Variants in MYO1D observed in about 807,000 individuals in gnomAD.
The protein encoded by MYO1D is unconventional myosin-Id.
Under a neutral mutation model 122.0 loss-of-function variants are expected in MYO1D, and 83 were observed. That is an observed-to-expected ratio of 0.68 (90% CI 0.57 to 0.82). The LOEUF (loss-of-function observed/expected upper bound fraction) is 0.82. Among genes scored for constraint, MYO1D ranks in the 40% least tolerant of loss-of-function variants. The pLI, the probability that MYO1D is intolerant of heterozygous loss-of-function variation, is 0.00. For missense variants in MYO1D, 1,157 were observed against 1,269.5 expected (o/e 0.91, Z 1.35); for synonymous variants, 464 against 446.9 (o/e 1.04, Z -0.48).
In MYO1D at chr17:32,827,570, C is replaced by T. The variant is rs1047059386; in HGVS notation, c.96-46786G>A. Among the ~76,000 whole-genome samples the T allele has an allele frequency of 1.1e-4, 17 of 152,148 alleles. No individual in the cohort carries two copies. In the South Asian group the frequency reaches 3.3e-3, roughly 30 times the overall value. On this transcript the variant is annotated intron_variant, in intron 1 of 21. Coordinates refer to ENST00000318217, the MANE Select transcript of MYO1D (RefSeq NM_015194.3). ...TGGCTAAAATGGTAATTTTATGTTACATATATTTTACTACAATAAAAAAAT... is the reference window on the plus strand; with the variant it reads ...TGGCTAAAATGGTAATTTTATGTTATATATATTTTACTACAATAAAAAAAT...
intron 21 of MYO1D, among the ~76,000 whole-genome samples, chr17:32,542,119 G>A (rs1910853796): frequency 6.6e-6 from 1 of 152,122 alleles, no homozygotes; most frequent in South Asian, 2.1e-4. Context: ...ACCCTTCTCA[G>A]AGGTATTTGT....
At chr17:32,874,304 C>CTCTCTCTCTCTCTGTGTCTCTT (rs6146033) in intron 1 of MYO1D, among the ~76,000 whole-genome samples, 2 of 149,150 alleles carry the variant, frequency 1.3e-5, no homozygotes, top group African/African-American at 2.5e-5. Context: ...GTCTCTGTCT[C>CTCTCTCTCTCTCTGTGTCTCTT]TCTCTCTCTC....
chr17:32,543,155 G>A (rs1910896188), intron 21 of MYO1D, among the ~76,000 whole-genome samples: 1 of 151,678 alleles, frequency 6.6e-6, no homozygotes, highest in Admixed American at 6.6e-5. Context: ...GAACCTGGGA[G>A]GCGGAGCTTG....
At chr17:32,527,173 T>C (rs1305893393) in intron 21 of MYO1D, among the ~76,000 whole-genome samples, 1 of 152,234 alleles carries the variant, frequency 6.6e-6, no homozygotes, top group Non-Finnish European at 1.5e-5. Context: ...GGATTTGGCC[T>C]GGGATCCAAC....
intron 21 of MYO1D, among the ~76,000 whole-genome samples, chr17:32,503,248 C>A (rs1394353891): frequency 6.6e-6 from 1 of 152,218 alleles, no homozygotes; most frequent in African/African-American, 2.4e-5. Context: ...CCCATCCAGG[C>A]CCCTGGTCAG....
chr17:32,689,731 T>G (rs1446754809), intron 16 of MYO1D, among the ~76,000 whole-genome samples: 1 of 152,192 alleles, frequency 6.6e-6, no homozygotes, highest in African/African-American at 2.4e-5. Context: ...CTGTCTTTTT[T>G]TTTTTGAGAT....
intron 19 of MYO1D, among the ~76,000 whole-genome samples, chr17:32,646,349 A>G (rs1467993195): frequency 6.6e-6 from 1 of 152,106 alleles, no homozygotes; most frequent in African/African-American, 2.4e-5. Flanking sequence ...ATAATAGCTA[A>G]TCCCAGCTAC....
At chr17:32,526,600 G>C (rs56408201) in intron 21 of MYO1D, among the ~76,000 whole-genome samples, 11,915 of 137,968 alleles carry the variant, frequency 0.086, 508 homozygotes, top group Middle Eastern at 0.15. Context: ...TCTTCATAAA[G>C]CCTTCTTTTT....
intron 1 of MYO1D, among the ~76,000 whole-genome samples, chr17:32,802,916 G>A (rs964341558): frequency 6.6e-6 from 1 of 152,120 alleles, no homozygotes; most frequent in East Asian, 1.9e-4. Flanking sequence ...GTTTCATTTT[G>A]TCTTGGTTTT....
intron 21 of MYO1D, among the ~76,000 whole-genome samples, chr17:32,517,668 C>G (rs947230792): frequency 6.6e-6 from 1 of 152,134 alleles, no homozygotes; most frequent in Non-Finnish European, 1.5e-5. Flanking sequence ...CTGGGAACGA[C>G]CGGAAGAAGA....
chr17:32,656,939 A>T (rs1040901665), intron 17 of MYO1D, among the ~76,000 whole-genome samples: 1 of 152,242 alleles, frequency 6.6e-6, no homozygotes, highest in African/African-American at 2.4e-5. Context: ...ACAGTGGCTC[A>T]GGACAAGGTC....
chr17:32,496,562 C>T (rs1175898284), intron 21 of MYO1D, among the ~76,000 whole-genome samples: 1 of 152,176 alleles, frequency 6.6e-6, no homozygotes, highest in Non-Finnish European at 1.5e-5. Flanking sequence ...CAGCCCTTGG[C>T]GGCGGGGTCC....
chr17:32,783,362 A>G (rs2090260287), intron 1 of MYO1D, among the ~76,000 whole-genome samples: 1 of 152,156 alleles, frequency 6.6e-6, no homozygotes, highest in African/African-American at 2.4e-5. Flanking sequence ...TACAAATAAA[A>G]TATTTTCTAT....
rs752073765 is a variant in MYO1D, at chr17:32,767,618, A to G, written c.831+18T>C. On this transcript the variant is annotated intron_variant, in intron 7 of 21. Transcript: ENST00000318217. ...TCTCAGCAGAAGACAATACATTCTGAGAGGTGTCCCTACTCACCAAGTGCA... is the reference window on the plus strand; with the variant it reads ...TCTCAGCAGAAGACAATACATTCTGGGAGGTGTCCCTACTCACCAAGTGCA... The G allele has an allele frequency of 1.3e-5, 19 of 1,487,634 alleles. No homozygotes were observed. The highest frequency in any genetic ancestry group is 1.6e-5 in the Non-Finnish European group (17 of 1,069,180). 92.2% of individuals were successfully genotyped at this position (1,487,634 alleles called of 1,614,324 possible).
At chr17:32,772,735 C>G (rs551734691) in intron 5 of MYO1D, 54 bp downstream of exon 5, 2 of 1,416,958 alleles carry the variant, frequency 1.4e-6, no homozygotes, top group East Asian at 4.5e-5. Context: ...CACAAATACT[C>G]ATTTCCTGCA....
intron 1 of MYO1D, among the ~76,000 whole-genome samples, chr17:32,808,304 G>A (rs2090537390): frequency 6.6e-6 from 1 of 151,406 alleles, no homozygotes; most frequent in South Asian, 2.1e-4. Context: ...GAGCCCAGGA[G>A]TACGAGGCTG....
At chr17:32,642,569 A>G (rs1597963871) in intron 19 of MYO1D, among the ~76,000 whole-genome samples, 1 of 152,244 alleles carries the variant, frequency 6.6e-6, no homozygotes, top group East Asian at 1.9e-4. Flanking sequence ...ATGAGCATGG[A>G]ATGTTCTTCC....
At chr17:32,557,028 G>A (rs532640599) in intron 21 of MYO1D, among the ~76,000 whole-genome samples, 1 of 152,184 alleles carries the variant, frequency 6.6e-6, no homozygotes, top group Admixed American at 6.5e-5. Flanking sequence ...AAACTATGAT[G>A]AATGTAGAGA....
In MYO1D at chr17:32,653,759, A is replaced by G. The variant is rs182509366; in HGVS notation, c.2595+84T>C. On this transcript the variant is annotated intron_variant, in intron 19 of 21. Transcript: ENST00000318217. ...TGAAGCTAGTTATGTACCTACTGTTATGTTTTATTACAGGCTTGCTTAAGT... is the reference window on the plus strand; with the variant it reads ...TGAAGCTAGTTATGTACCTACTGTTGTGTTTTATTACAGGCTTGCTTAAGT... The G allele has an allele frequency of 6.9e-6, 8 of 1,152,338 alleles. No homozygotes were observed. In the Admixed American group the frequency reaches 1.4e-4, roughly 20 times the overall value. The allele number at this position is 1,152,338 out of a possible 1,614,324, so 71.4% of individuals were successfully genotyped here.
Sources: gnomAD v4.1 joint callset for allele counts (sites outside exome capture counted in the v4.1 genomes callset) on GRCh38, gnomAD v4.1.1 for gene constraint, MANE v1.5 for transcripts, NCBI Gene and HGNC (gene_info 2026-07-23, HGNC 2026-07-21) for gene names.